Variants in PDGFC observed in about 807,000 individuals in gnomAD.
PDGFC encodes the protein platelet-derived growth factor C.
A neutral mutation model predicts 35.5 loss-of-function variants in PDGFC; 12 were observed. The observed-to-expected ratio is 0.34, with a 90% confidence interval of 0.22 to 0.55. The LOEUF is 0.55. Among genes scored for constraint, PDGFC ranks in the 20% least tolerant of loss-of-function variants. The probability of loss-of-function intolerance (pLI) is 0.91; values close to 1 mark genes in which losing one functional copy is unlikely to be tolerated. For synonymous variants in PDGFC, 159 were observed against 148.8 expected, an observed-to-expected ratio of 1.07 and a Z score of -0.50; for missense variants, 322 against 412.4, an observed-to-expected ratio of 0.78 and a Z score of 1.90.
At chr4:156,796,963 T>C (rs1731459697) in intron 3 of PDGFC, among the ~76,000 whole-genome samples, 2 of 151,864 alleles carry the variant, frequency 1.3e-5, no homozygotes, top group Admixed American at 1.3e-4. Flanking sequence ...AAATGCCAGG[T>C]GTGGTGGCTC....
chr4:156,853,637 G>T (rs1398837893), intron 1 of PDGFC, among the ~76,000 whole-genome samples: 2 of 152,236 alleles, frequency 1.3e-5, no homozygotes, highest in East Asian at 1.9e-4. Context: ...AAAGTTAGAT[G>T]AATTCTCCAC....
Position 156,762,342 on chromosome 4 carries a change from C to T in PDGFC, c.*748G>A, listed in dbSNP as rs1349034138. ...TATTTAACAAGATTAGAAAAGCCAA[C>T]AGTTATAATGTCAAAAGGAGAATAT... On this transcript the variant is annotated 3_prime_UTR_variant, in exon 6 of 6. Coordinates refer to ENST00000502773, the MANE Select transcript of PDGFC (RefSeq NM_016205.3). 3 of 152,480 alleles carry T rather than the reference C, an allele frequency of 2.0e-5. No homozygotes were observed. The highest frequency in any genetic ancestry group is 1.9e-4 in the East Asian group (1 of 5,182). The allele number at this position is 152,480 out of a possible 1,614,324, so 9.4% of individuals were successfully genotyped here.
rs540789664 is a variant in PDGFC at position 156,964,037 on chromosome 4, TAA to T, written c.118+6747_118+6748del. On this transcript the variant is annotated intron_variant, in intron 1 of 5. Transcript: ENST00000502773. ...ATAGAATATCCCATAGAATATAGTG[TAA>T]ATAAAAGTTAAGGTCACTCACTGAA... 2.7e-4 allele frequency among the ~76,000 whole-genome samples: 41 copies of T among 151,684 alleles called. No homozygotes were observed. In the South Asian group the frequency reaches 8.1e-3, roughly 30 times the overall value.
At chr4:156,957,611 T>C (rs573026650) in intron 1 of PDGFC, among the ~76,000 whole-genome samples, 1 of 152,160 alleles carries the variant, frequency 6.6e-6, no homozygotes, top group African/African-American at 2.4e-5. Context: ...TATTCTTCAC[T>C]GTTCAGCAAC....
chr4:156,950,932 A>T (rs1004518308), intron 1 of PDGFC, among the ~76,000 whole-genome samples: 5 of 151,884 alleles, frequency 3.3e-5, no homozygotes, highest in Non-Finnish European at 5.9e-5. Context: ...TGAATCTTTC[A>T]ATTTCAGAGT....
intron 1 of PDGFC, among the ~76,000 whole-genome samples, chr4:156,919,684 C>G (rs1393040297): frequency 6.6e-6 from 1 of 152,120 alleles, no homozygotes; most frequent in Non-Finnish European, 1.5e-5. Context: ...CCTGAAGTAA[C>G]TCACATCCAC....
intron 1 of PDGFC, among the ~76,000 whole-genome samples, chr4:156,956,920 A>T (rs1172195083): frequency 6.6e-6 from 1 of 152,018 alleles, no homozygotes; most frequent in Non-Finnish European, 1.5e-5. Context: ...AATGGAACTG[A>T]GGTTTCCACA....
chr4:156,840,810 T>A (rs1729184282), intron 2 of PDGFC, among the ~76,000 whole-genome samples: 1 of 152,182 alleles, frequency 6.6e-6, no homozygotes, highest in Non-Finnish European at 1.5e-5. Context: ...AGACATGGAC[T>A]CAAAGGGGTT....
At chr4:156,769,914 T>A (rs1730647576) in intron 4 of PDGFC, among the ~76,000 whole-genome samples, 2 of 152,044 alleles carry the variant, frequency 1.3e-5, no homozygotes. Flanking sequence ...GTTGCCAAAG[T>A]CTTCAATGCT....
chr4:156,838,122 T>C (rs1729107893), intron 2 of PDGFC, among the ~76,000 whole-genome samples: 1 of 152,204 alleles, frequency 6.6e-6, no homozygotes, highest in South Asian at 2.1e-4. Context: ...TTATTCTGTG[T>C]CCAGAAGTGC....
chr4:156,944,576 C>T (rs1339873757), intron 1 of PDGFC, among the ~76,000 whole-genome samples: 1 of 152,122 alleles, frequency 6.6e-6, no homozygotes, highest in African/African-American at 2.4e-5. Flanking sequence ...TAACAAGTAG[C>T]TTGAAGATTT....
intron 4 of PDGFC, 149 bp downstream of exon 4, chr4:156,772,537 T>C (rs1287745315): frequency 1.2e-5 from 7 of 563,552 alleles, no homozygotes; most frequent in Non-Finnish European, 2.2e-5. Flanking sequence ...TATTATTCAA[T>C]ATATAAATAT....
At chr4:156,877,627 C>T (rs1029698187) in intron 1 of PDGFC, among the ~76,000 whole-genome samples, 1 of 151,966 alleles carries the variant, frequency 6.6e-6, no homozygotes, top group Non-Finnish European at 1.5e-5. Context: ...ATATAAATTC[C>T]AATATTCTAG....
At chr4:156,818,982 A>G (rs1427206917) in intron 2 of PDGFC, among the ~76,000 whole-genome samples, 1 of 152,146 alleles carries the variant, frequency 6.6e-6, no homozygotes, top group East Asian at 1.9e-4. Flanking sequence ...ATAATTGCTC[A>G]AATTAAAAAA....
intron 2 of PDGFC, among the ~76,000 whole-genome samples, chr4:156,813,077 G>T (rs1312452514): frequency 6.6e-6 from 1 of 152,080 alleles, no homozygotes; most frequent in African/African-American, 2.4e-5. Context: ...GGCAGTGTAT[G>T]TGTGTGGTTC....
rs760452946 is a variant in PDGFC, at chr4:156,767,990, A to T, written c.704T>A (p.Val235Glu). Residue 235 changes from valine (V) to glutamate (E), a missense_variant and splice_region_variant, in exon 5 of 6, where the codon GTG (valine) becomes GAG (glutamate). By Grantham distance (121) the Val-to-Glu change is moderately radical. Transcript: ENST00000502773. ...CTCTGTTAGAAGGTTCAGATCCACC[A>T]CTATATGGTATAAAAGAAAGCAAAG... ...KAFVFGRKSR[V>E]VDLNLLTEEV... 3 of 1,571,916 alleles carry T rather than the reference A, an allele frequency of 1.9e-6. No individual in the cohort carries two copies. The highest frequency in any genetic ancestry group is 1.8e-6 in the Non-Finnish European group (2 of 1,141,790).
intron 3 of PDGFC, among the ~76,000 whole-genome samples, chr4:156,797,365 T>C (rs576852939): frequency 1.3e-5 from 2 of 152,052 alleles, no homozygotes; most frequent in South Asian, 2.1e-4. Flanking sequence ...TCAACCAGAA[T>C]AGGTTCAGAG....
At chr4:156,932,314 G>T (rs1248568611) in intron 1 of PDGFC, among the ~76,000 whole-genome samples, 2 of 152,028 alleles carry the variant, frequency 1.3e-5, no homozygotes, top group Non-Finnish European at 2.9e-5. Flanking sequence ...GTGAAGTAAG[G>T]CCATTTTCAC....
chr4:156,817,904 C>A (rs1258955841), intron 2 of PDGFC, among the ~76,000 whole-genome samples: 2 of 151,200 alleles, frequency 1.3e-5, no homozygotes, highest in Non-Finnish European at 2.9e-5. Flanking sequence ...ACTAAAAGTA[C>A]AAAAATTAGC....
Sources: allele counts gnomAD v4.1 joint callset (sites outside exome capture counted in the v4.1 genomes callset), GRCh38; gene constraint gnomAD v4.1.1; transcripts MANE v1.5; gene names NCBI Gene and HGNC (gene_info 2026-07-23, HGNC 2026-07-21).